RPS6KA5: variants seen among roughly 807,000 people sequenced by gnomAD.
RPS6KA5 encodes the protein ribosomal protein S6 kinase alpha-5.
Under a neutral mutation model 85.5 loss-of-function variants are expected in RPS6KA5, and 27 were observed. The observed-to-expected ratio is 0.32, with a 90% CI of 0.23 to 0.44. RPS6KA5 has a LOEUF of 0.44. Ranked by LOEUF, RPS6KA5 falls within the 20% of genes least tolerant of loss-of-function variation. The pLI is 1.00. For missense variants in RPS6KA5, 811 were observed against 980.9 expected, an observed-to-expected ratio of 0.83 and a Z score of 2.31; for synonymous variants, 334 against 348.2, an observed-to-expected ratio of 0.96 and a Z score of 0.46.
chr14:91,044,271 G>T (rs1208355942), intron 1 of RPS6KA5, among the ~76,000 whole-genome samples: 36 of 11,920 alleles, frequency 3.0e-3, no homozygotes, highest in African/African-American at 1.0e-2. Flanking sequence ...GGGAGAGAGA[G>T]AGAAAGAAAG....
Position 90,858,610 on chromosome 14 carries a change from C to T in RPS6KA5, c.*13464G>A, listed in dbSNP as rs954198843. 14 of 152,080 alleles carry T rather than the reference C, an allele frequency of 9.2e-5. No individual in the cohort carries two copies. Among genetic ancestry groups the T allele is most frequent in the African/African-American group, 3.4e-4 (14 of 41,386 alleles). The allele number at this position is 152,080 out of a possible 1,614,324, so 9.4% of individuals were successfully genotyped here. On this transcript the variant is annotated 3_prime_UTR_variant, in exon 17 of 17. Coordinates refer to ENST00000614987, the MANE Select transcript of RPS6KA5 (RefSeq NM_004755.4). ...GCAGCAAGTGCTGCTGGCAAGTATT[C>T]TTGGGGCAAACAGGAAAAGGGTTAA... is the stretch of plus-strand genomic sequence containing the variant.
At chr14:90,918,616 T>C (rs143291344) in intron 7 of RPS6KA5, among the ~76,000 whole-genome samples, 1,965 of 152,344 alleles carry the variant, frequency 0.013, 46 homozygotes, top group African/African-American at 0.044. Flanking sequence ...CGGTCTTCCT[T>C]TATGTTTCCT....
At chr14:91,053,875 A>C in intron 1 of RPS6KA5, among the ~76,000 whole-genome samples, 1 of 152,246 alleles carries the variant, frequency 6.6e-6, no homozygotes, top group East Asian at 1.9e-4. Flanking sequence ...TGGAAATACA[A>C]GGAATCCAGA....
chr14:90,935,780 A>G (rs2037221111), intron 5 of RPS6KA5, among the ~76,000 whole-genome samples: 1 of 152,190 alleles, frequency 6.6e-6, no homozygotes, highest in South Asian at 2.1e-4. Flanking sequence ...AGTTGTATTT[A>G]TCTACCTGGG....
chr14:90,906,071 C>T (rs2035484014), intron 8 of RPS6KA5, 78 bp downstream of exon 8: 15 of 1,341,162 alleles, frequency 1.1e-5, no homozygotes, highest in African/African-American at 1.4e-5. Flanking sequence ...GGACTGTGTT[C>T]ACTAATTTCA....
intron 2 of RPS6KA5, among the ~76,000 whole-genome samples, chr14:90,992,651 C>T (rs1456591829): frequency 3.9e-5 from 6 of 152,138 alleles, no homozygotes; most frequent in African/African-American, 1.4e-4. Flanking sequence ...AGGAAATAAT[C>T]CCCCTTTTCC....
At chr14:90,895,373 G>C (rs1028947881) in intron 12 of RPS6KA5, among the ~76,000 whole-genome samples, 1 of 152,022 alleles carries the variant, frequency 6.6e-6, no homozygotes, top group Non-Finnish European at 1.5e-5. Context: ...GTTTAAAAAG[G>C]TATTGTTTGA....
chr14:90,874,119 T>C (rs188630254), intron 15 of RPS6KA5, among the ~76,000 whole-genome samples: 2 of 152,334 alleles, frequency 1.3e-5, no homozygotes, highest in Admixed American at 1.3e-4. Flanking sequence ...ATCTACTTCA[T>C]CCATATACCA....
chr14:91,033,146 C>A (rs377759609), intron 1 of RPS6KA5, among the ~76,000 whole-genome samples: 4 of 149,436 alleles, frequency 2.7e-5, no homozygotes, highest in African/African-American at 7.4e-5. Flanking sequence ...GACATTGGGG[C>A]GCCACTGCAC....
intron 12 of RPS6KA5, among the ~76,000 whole-genome samples, chr14:90,896,950 T>C (rs906022751): frequency 2.0e-5 from 3 of 152,162 alleles, no homozygotes; most frequent in Admixed American, 2.0e-4. Flanking sequence ...CTCAAACTCC[T>C]GACCTCAAGT....
chr14:90,895,237 T>C (rs945423576), intron 12 of RPS6KA5, among the ~76,000 whole-genome samples: 14 of 152,036 alleles, frequency 9.2e-5, no homozygotes, highest in Admixed American at 8.5e-4. Flanking sequence ...CTGGGCTCAG[T>C]GGCTCACACC....
At position 90,867,859 on chromosome 14, in the gene RPS6KA5, G is replaced by A. The variant is rs1206168864; in HGVS notation, c.*4215C>T. ...CTTAATTCACAAATTCATGAAACAG[G>A]GTGGACAACAGCCTTGTGTAGGGGA... On this transcript the variant is annotated 3_prime_UTR_variant, in exon 17 of 17. Coordinates refer to ENST00000614987, the MANE Select transcript of RPS6KA5 (RefSeq NM_004755.4). 2 of 152,110 alleles carry A rather than the reference G, an allele frequency of 1.3e-5. No individual in the cohort carries two copies. Among genetic ancestry groups the A allele is most frequent in the Non-Finnish European group, 2.9e-5 (2 of 68,002 alleles). The allele number at this position is 152,110 out of a possible 1,614,324, so 9.4% of individuals were successfully genotyped here.
At chr14:90,994,737 A>G (rs1319836079) in intron 2 of RPS6KA5, among the ~76,000 whole-genome samples, 1 of 151,466 alleles carries the variant, frequency 6.6e-6, no homozygotes, top group Non-Finnish European at 1.5e-5. Context: ...ATGCCCGGCT[A>G]ATTTTTTTTT....
intron 2 of RPS6KA5, among the ~76,000 whole-genome samples, chr14:91,000,572 G>A (rs1053793414): frequency 2.0e-5 from 3 of 152,080 alleles, no homozygotes; most frequent in South Asian, 2.1e-4. Context: ...AGAAGAGGGC[G>A]GATTACTTGA....
intron 3 of RPS6KA5, among the ~76,000 whole-genome samples, chr14:90,972,030 T>A (rs1176465137): frequency 1.3e-5 from 2 of 152,142 alleles, no homozygotes; most frequent in Non-Finnish European, 2.9e-5. Context: ...AAGCAACAGA[T>A]GACAGAATAT....
chr14:91,028,339 T>A (rs2042060608), intron 1 of RPS6KA5, among the ~76,000 whole-genome samples: 1 of 152,102 alleles, frequency 6.6e-6, no homozygotes, highest in Non-Finnish European at 1.5e-5. Flanking sequence ...CACCTCAGCC[T>A]GCAGAGTAGC....
intron 12 of RPS6KA5, among the ~76,000 whole-genome samples, chr14:90,899,123 G>A (rs186275033): frequency 3.9e-5 from 6 of 152,172 alleles, no homozygotes; most frequent in Admixed American, 1.3e-4. Flanking sequence ...AAGCATGAGA[G>A]GTGAAGGGAT....
intron 1 of RPS6KA5, among the ~76,000 whole-genome samples, chr14:91,030,746 G>C (rs1467828441): frequency 6.8e-6 from 1 of 147,734 alleles, no homozygotes; most frequent in African/African-American, 2.5e-5. Context: ...AATAGAAAAA[G>C]AGAGCAATTA....
At chr14:90,995,396 T>G (rs2140550497) in intron 2 of RPS6KA5, among the ~76,000 whole-genome samples, 1 of 152,340 alleles carries the variant, frequency 6.6e-6, no homozygotes, top group Non-Finnish European at 1.5e-5. Context: ...GCTTATTTGT[T>G]TCCTTCACCC....
Sources: allele counts gnomAD v4.1 joint callset (sites outside exome capture counted in the v4.1 genomes callset), GRCh38; gene constraint gnomAD v4.1.1; transcripts MANE v1.5; gene names NCBI Gene and HGNC (gene_info 2026-07-23, HGNC 2026-07-21).